Variants in RNF130 observed in about 807,000 individuals in gnomAD.
The protein encoded by RNF130 is ring finger protein 130, also known as E3 ubiquitin-protein ligase RNF130.
Under a neutral mutation model 44.6 loss-of-function variants are expected in RNF130, and 21 were observed. That is an observed-to-expected ratio of 0.47 (90% CI 0.33 to 0.68). The LOEUF (loss-of-function observed/expected upper bound fraction) is 0.68, where lower values mean the gene tolerates loss of function less well. RNF130 is among the 30% of genes least tolerant of loss of function. The pLI is 0.02. For missense variants in RNF130, 479 were observed against 560.6 expected, an observed-to-expected ratio of 0.85 and a Z score of 1.47; for synonymous variants, 214 against 210.4, an observed-to-expected ratio of 1.02 and a Z score of -0.15.
downstream of RNF130, among the ~76,000 whole-genome samples, chr5:179,954,046 A>C (rs922836917): frequency 4.6e-5 from 7 of 152,140 alleles, no homozygotes; most frequent in African/African-American, 1.7e-4. Flanking sequence ...ACATGAGACA[A>C]CTCCTTCACA....
chr5:179,965,516 A>ATG (rs1762422810), intron 7 of RNF130, among the ~76,000 whole-genome samples: 1 of 152,264 alleles, frequency 6.6e-6, no homozygotes, highest in African/African-American at 2.4e-5. Flanking sequence ...TCAGTACTTA[A>ATG]TGTAGTAAGT....
intron 2 of RNF130, among the ~76,000 whole-genome samples, chr5:180,014,111 A>C (rs1763660177): frequency 6.6e-6 from 1 of 152,242 alleles, no homozygotes. Flanking sequence ...ACAGTTGTCC[A>C]GAGGTCTGCC....
chr5:180,031,050 TAA>T (rs1400572367), intron 2 of RNF130, among the ~76,000 whole-genome samples: 3 of 152,246 alleles, frequency 2.0e-5, no homozygotes, highest in African/African-American at 7.2e-5. Context: ...AACTTCCACT[TAA>T]TAAACAGTAA....
At chr5:180,027,328 G>A (rs1271121442) in intron 2 of RNF130, among the ~76,000 whole-genome samples, 4 of 152,214 alleles carry the variant, frequency 2.6e-5, no homozygotes, top group Non-Finnish European at 5.9e-5. Context: ...GAAGGGAACT[G>A]AGTAACACAT....
intron 3 of RNF130, among the ~76,000 whole-genome samples, chr5:179,999,933 G>T (rs1055955882): frequency 1.3e-5 from 2 of 151,938 alleles, no homozygotes; most frequent in African/African-American, 2.4e-5. Context: ...TGTTATTTTT[G>T]TTCTCTCCTA....
intron 7 of RNF130, among the ~76,000 whole-genome samples, chr5:179,935,900 ACTT>A (rs1265731941): frequency 6.6e-6 from 1 of 152,012 alleles, no homozygotes; most frequent in East Asian, 1.9e-4. Context: ...GTTTTACCTC[ACTT>A]GTCCCCTCCC....
intron 2 of RNF130, among the ~76,000 whole-genome samples, chr5:180,037,870 T>C (rs1223787865): frequency 6.6e-6 from 1 of 152,204 alleles, no homozygotes; most frequent in Non-Finnish European, 1.5e-5. Context: ...AGCCGTTTCC[T>C]ATTGCTCTTA....
Position 179,932,144 on chromosome 5 carries a change from G to C in RNF130, c.1151-11718C>G, listed in dbSNP as rs532052722. Among the ~76,000 whole-genome samples the C allele has an allele frequency of 5.9e-5, 9 of 152,196 alleles. No homozygotes were observed. The East Asian group carries it at 1.4e-3, about 23-fold the overall frequency. Reference sequence around the variant, plus strand: ...CCATTAAAAAAATTTAAAGTTACCTGTTATAGGGTGTTCCTTCAGAAGCAA... The same window carrying C: ...CCATTAAAAAAATTTAAAGTTACCTCTTATAGGGTGTTCCTTCAGAAGCAA... On this transcript the variant is annotated intron_variant, in intron 7 of 7. Coordinates refer to the RNF130 transcript ENST00000522208.
chr5:180,009,766 C>T (rs748584146), intron 3 of RNF130, among the ~76,000 whole-genome samples: 8 of 152,158 alleles, frequency 5.3e-5, no homozygotes, highest in East Asian at 1.9e-4. Context: ...CCCAGGGAAA[C>T]GAAAACTCAT....
chr5:179,941,265 C>T (rs1034775132), intron 7 of RNF130, among the ~76,000 whole-genome samples: 8 of 152,168 alleles, frequency 5.3e-5, no homozygotes, highest in Admixed American at 4.6e-4. Flanking sequence ...GATAATTTGA[C>T]GTTGCTGATG....
rs551630469 is a variant in RNF130 at position 179,936,542 on chromosome 5, A to G, written c.1151-16116T>C. On this transcript the variant is annotated intron_variant, in intron 7 of 7. Coordinates refer to the RNF130 transcript ENST00000522208. ...CCACACCTAGCCAACTTTATTTTCA[A>G]TGGCTTTCCCCACTAGATGTTTAGG... Among the ~76,000 whole-genome samples the G allele has an allele frequency of 4.1e-4, 62 of 152,152 alleles. 1 individual carries two copies. In the South Asian group the frequency reaches 8.3e-3, roughly 20 times the overall value.
chr5:180,062,034 T>A (rs1054573349), intron 1 of RNF130, among the ~76,000 whole-genome samples: 1 of 150,988 alleles, frequency 6.6e-6, no homozygotes, highest in South Asian at 2.1e-4. Context: ...AGGGCAAACA[T>A]GCTTCCCCCT....
At chr5:180,053,786 T>C (rs938521714) in intron 1 of RNF130, among the ~76,000 whole-genome samples, 5 of 151,578 alleles carry the variant, frequency 3.3e-5, no homozygotes, top group African/African-American at 1.2e-4. Context: ...TACATGACAC[T>C]GACAATGAGT....
At chr5:180,037,156 C>A (rs1764267564) in intron 2 of RNF130, among the ~76,000 whole-genome samples, 1 of 152,208 alleles carries the variant, frequency 6.6e-6, no homozygotes, top group Non-Finnish European at 1.5e-5. Flanking sequence ...TTAATCCAGT[C>A]TCCTATGACA....
chr5:180,036,976 T>C (rs1764263977), intron 2 of RNF130, among the ~76,000 whole-genome samples: 1 of 152,228 alleles, frequency 6.6e-6, no homozygotes, highest in East Asian at 1.9e-4. Context: ...TTTATACCTA[T>C]ATACATGCTC....
In RNF130 at chr5:179,946,440, TA is replaced by T. The variant is rs534382141; in HGVS notation, c.1150+20365del. On this transcript the variant is annotated intron_variant, in intron 7 of 7. Transcript: ENST00000522208. The stretch of plus-strand genomic sequence containing the variant: ...ACATTTCCCTTAAAAGGGACTTTTA[TA>T]AAAAAAACTTTAAGGTAAAGAAACA... 2.0e-4 allele frequency among the ~76,000 whole-genome samples: 31 copies of T among 151,846 alleles called. No homozygotes were observed. The South Asian group carries it at 6.2e-3, about 31-fold the overall frequency.
At chr5:180,059,273 C>T (rs1362688699) in intron 1 of RNF130, among the ~76,000 whole-genome samples, 1 of 152,198 alleles carries the variant, frequency 6.6e-6, no homozygotes, top group Non-Finnish European at 1.5e-5. Context: ...ATCATTTCTT[C>T]AGGGACGCCT....
chr5:179,947,021 A>C (rs1762052068), intron 7 of RNF130, among the ~76,000 whole-genome samples: 1 of 152,122 alleles, frequency 6.6e-6, no homozygotes, highest in African/African-American at 2.4e-5. Flanking sequence ...CTCCCTGAGG[A>C]TGCACTGTTG....
intron 7 of RNF130, among the ~76,000 whole-genome samples, chr5:179,938,148 G>A (rs1761923063): frequency 6.6e-6 from 1 of 151,966 alleles, no homozygotes; most frequent in Non-Finnish European, 1.5e-5. Flanking sequence ...TGTAGAGATG[G>A]GGTTTTGCCA....
Sources: allele counts gnomAD v4.1 joint callset (sites outside exome capture counted in the v4.1 genomes callset), GRCh38; gene constraint gnomAD v4.1.1; transcripts MANE v1.5; gene names NCBI Gene and HGNC (gene_info 2026-07-23, HGNC 2026-07-21).